The following AGTPBP1 variants were observed in gnomAD, a reference collection of about 807,000 sequenced individuals.
The protein encoded by AGTPBP1 is ATP/GTP binding carboxypeptidase 1.
A neutral mutation model predicts 143.9 loss-of-function variants in AGTPBP1; 70 were observed. The ratio of observed to expected loss-of-function variants is 0.49; its 90% CI spans 0.40 to 0.59. AGTPBP1 has a LOEUF of 0.59. Among genes scored for constraint, AGTPBP1 ranks in the 20% least tolerant of loss-of-function variants. The probability of loss-of-function intolerance (pLI) is 0.00; values close to 1 mark genes in which losing one functional copy is unlikely to be tolerated. For synonymous variants in AGTPBP1, 463 were observed against 500.2 expected (o/e 0.93, Z 0.99); for missense variants, 1,229 against 1,464.5 (o/e 0.84, Z 2.62).
rs370228956 is a variant in AGTPBP1, at chr9:85,593,747, T to C, written c.2424-1043A>G. ...TTGTTGATACTGGGTGATGAATACATGGGGCCTCATTATCTTATTATCTGT... is the reference window on the plus strand; with the variant it reads ...TTGTTGATACTGGGTGATGAATACACGGGGCCTCATTATCTTATTATCTGT... On this transcript the variant is annotated intron_variant, in intron 18 of 25. Coordinates refer to ENST00000357081, the MANE Select transcript of AGTPBP1 (RefSeq NM_001330701.2). Among the ~76,000 whole-genome samples, 17 of 152,306 alleles carry C rather than the reference T, an allele frequency of 1.1e-4. No individual in the cohort carries two copies. In the East Asian group the frequency reaches 3.1e-3, roughly 28 times the overall value.
At chr9:85,601,507 C>T (rs1267485757) in intron 17 of AGTPBP1, among the ~76,000 whole-genome samples, 1 of 152,208 alleles carries the variant, frequency 6.6e-6, no homozygotes, top group East Asian at 1.9e-4. Flanking sequence ...ACTACCACCA[C>T]AGCTGGCACA....
At chr9:85,578,736 T>G (rs1828051063) in intron 24 of AGTPBP1, among the ~76,000 whole-genome samples, 184 bp downstream of exon 24, 1 of 152,058 alleles carries the variant, frequency 6.6e-6, no homozygotes. Context: ...TTCAGAGAAG[T>G]AAAGAAACCA....
chr9:85,697,243 A>C (rs1002530855), intron 2 of AGTPBP1, among the ~76,000 whole-genome samples: 6 of 152,122 alleles, frequency 3.9e-5, no homozygotes, highest in Non-Finnish European at 5.9e-5. Context: ...AGATAAGAGA[A>C]TCTGTTTTCT....
rs1826660840 is a variant in AGTPBP1 at position 85,560,786 on chromosome 9, CAG to C, written c.3504-13502_3504-13501del. Among the ~76,000 whole-genome samples the C allele has an allele frequency of 3.3e-5, 5 of 151,856 alleles. No individual in the cohort carries two copies. The South Asian group carries it at 8.3e-4, about 25-fold the overall frequency. On this transcript the variant is annotated intron_variant, in intron 25 of 25. Transcript: ENST00000357081. ...TAGAAAAAACATCCAGAAGAAAGCA[CAG>C]AGAGACAAAAGGATAGAAATTTATT...
Position 85,632,643 on chromosome 9 carries a change from G to C in AGTPBP1, c.2015+19C>G. The C allele has an allele frequency of 6.5e-7, 1 of 1,547,762 alleles. No individual in the cohort carries two copies. The highest frequency in any genetic ancestry group is 8.7e-7 in the Non-Finnish European group (1 of 1,146,560). On this transcript the variant is annotated intron_variant, in intron 14 of 25. Transcript: ENST00000357081. ...TGACAATAGCCTTATTTAGAAGAGG[G>C]AAGAAATATGCAACTCACCTTTGTA... is the stretch of plus-strand genomic sequence containing the variant.
chr9:85,562,779 A>G (rs1036432695), intron 25 of AGTPBP1, among the ~76,000 whole-genome samples: 2 of 152,210 alleles, frequency 1.3e-5, no homozygotes, highest in African/African-American at 4.8e-5. Flanking sequence ...AGTATTGTAA[A>G]GAGTAATTAT....
chr9:85,624,532 C>T (rs147734046), intron 14 of AGTPBP1, among the ~76,000 whole-genome samples: 6 of 152,288 alleles, frequency 3.9e-5, no homozygotes, highest in African/African-American at 1.4e-4. Context: ...TTAATAAAAG[C>T]TATCTGCTGC....
chr9:85,673,730 A>G (rs1834638858), intron 6 of AGTPBP1, among the ~76,000 whole-genome samples: 1 of 152,200 alleles, frequency 6.6e-6, no homozygotes, highest in Admixed American at 6.5e-5. Context: ...GGTAATGGGT[A>G]TATTAAATGC....
intron 13 of AGTPBP1, among the ~76,000 whole-genome samples, chr9:85,634,471 G>A (rs991305632): frequency 1.3e-5 from 2 of 152,060 alleles, no homozygotes; most frequent in South Asian, 2.1e-4. Flanking sequence ...CAAGATGAAT[G>A]CCACGATGAA....
intron 8 of AGTPBP1, among the ~76,000 whole-genome samples, chr9:85,665,588 T>C (rs2134015100): frequency 6.6e-6 from 1 of 152,346 alleles, no homozygotes; most frequent in African/African-American, 2.4e-5. Flanking sequence ...TAATTCTTTA[T>C]TCAAAATTGT....
At chr9:85,638,179 G>C (rs550616007) in intron 13 of AGTPBP1, among the ~76,000 whole-genome samples, 1 of 152,026 alleles carries the variant, frequency 6.6e-6, no homozygotes, top group African/African-American at 2.4e-5. Context: ...TAGAATACTC[G>C]AAGTTTCCAT....
chr9:85,758,306 A>G, the AGTPBP1 span, among the ~76,000 whole-genome samples: 4 of 152,212 alleles, frequency 2.6e-5, no homozygotes, highest in African/African-American at 9.6e-5. Flanking sequence ...TCTATAAAGA[A>G]CTACAAGTTA....
chr9:85,660,904 G>T, intron 9 of AGTPBP1, 32 bp downstream of exon 9: 8 of 1,445,430 alleles, frequency 5.5e-6, no homozygotes, highest in Non-Finnish European at 6.6e-6. Flanking sequence ...CAGAAAAATA[G>T]TATCTAGTAT....
intron 17 of AGTPBP1, among the ~76,000 whole-genome samples, chr9:85,609,118 T>C (rs1032414835): frequency 6.6e-6 from 1 of 152,176 alleles, no homozygotes; most frequent in Non-Finnish European, 1.5e-5. Flanking sequence ...TGTGTGTTTG[T>C]GTGATTATAT....
At chr9:85,675,884 G>A (rs998975489) in intron 6 of AGTPBP1, among the ~76,000 whole-genome samples, 2 of 152,226 alleles carry the variant, frequency 1.3e-5, no homozygotes, top group East Asian at 1.9e-4. Context: ...AATTAGACGG[G>A]TATGGTGGCA....
intron 15 of AGTPBP1, among the ~76,000 whole-genome samples, chr9:85,620,241 G>A (rs1217653939): frequency 6.6e-6 from 1 of 151,926 alleles, no homozygotes; most frequent in African/African-American, 2.4e-5. Flanking sequence ...GCAAAACTCC[G>A]TCTCTACTAA....
chr9:85,775,504 C>T, the AGTPBP1 span, among the ~76,000 whole-genome samples: 1 of 144,570 alleles, frequency 6.9e-6, no homozygotes, highest in Non-Finnish European at 1.5e-5. Context: ...GACAGAATAG[C>T]ATATATATAT....
At chr9:85,702,372 T>C (rs35327283) in intron 2 of AGTPBP1, among the ~76,000 whole-genome samples, 2,915 of 152,286 alleles carry the variant, frequency 0.019, 37 homozygotes, top group Middle Eastern at 0.037. Context: ...TACTATTCTT[T>C]GTGTGTTTTA....
chr9:85,748,491 A>C, the AGTPBP1 span, among the ~76,000 whole-genome samples: 2 of 152,190 alleles, frequency 1.3e-5, no homozygotes, highest in African/African-American at 4.8e-5. Context: ...TTTGAGCTCC[A>C]GCCTCTCCCC....
Sources: gnomAD v4.1 joint callset for allele counts (sites outside exome capture counted in the v4.1 genomes callset) on GRCh38, gnomAD v4.1.1 for gene constraint, MANE v1.5 for transcripts, NCBI Gene and HGNC (gene_info 2026-07-23, HGNC 2026-07-21) for gene names.